The following MED17 variants were observed in gnomAD, a reference collection of about 807,000 sequenced individuals.
MED17 encodes mediator of RNA polymerase II transcription subunit 17.
A neutral mutation model predicts 80.8 loss-of-function variants in MED17; 49 were observed. The observed-to-expected ratio is 0.61, with a 90% CI of 0.48 to 0.77. MED17 has a LOEUF of 0.77. Ranked by LOEUF, MED17 falls within the 30% of genes least tolerant of loss-of-function variation. MED17 has a pLI of 0.00. For missense variants in MED17, 718 were observed against 787.0 expected (o/e 0.91, Z 1.05); for synonymous variants, 281 against 280.4 (o/e 1.00, Z -0.02).
rs1227066721 is a variant in MED17 at position 93,796,789 on chromosome 11, CTA to C, written c.1143+250_1143+251del. The C allele has an allele frequency of 8.8e-6, 4 of 454,028 alleles. No homozygotes were observed. In the East Asian group the frequency reaches 1.4e-4, roughly 16 times the overall value. 28.1% of individuals were successfully genotyped at this position (454,028 alleles called of 1,614,324 possible). On this transcript the variant is annotated intron_variant, in intron 7 of 11. Transcript: ENST00000251871. ...AAGTAGAGGTGTAAGAAACATGATG[CTA>C]AAGTGCAGAGGGAAGGGTGATTCTG...
intron 1 of MED17, among the ~76,000 whole-genome samples, chr11:93,785,831 T>G (rs1591381109): frequency 6.6e-6 from 1 of 152,032 alleles, no homozygotes; most frequent in East Asian, 1.9e-4. Flanking sequence ...CATAGGGAGC[T>G]CCTGCCTCTA....
At chr11:93,808,699 A>G (rs1032186780) in intron 10 of MED17, 37 of 152,026 alleles carry the variant, frequency 2.4e-4, no homozygotes, top group African/African-American at 7.5e-4. Flanking sequence ...AGTAAAATTC[A>G]TTTGTTAGGT....
In MED17 at chr11:93,795,091, C is replaced by T. The variant is rs779400389; in HGVS notation, c.1012+31C>T. 8.1e-6 allele frequency: 13 copies of T among 1,613,036 alleles called. No individual in the cohort carries two copies. In the South Asian group the frequency reaches 1.1e-4, roughly 14 times the overall value. On this transcript the variant is annotated intron_variant, in intron 6 of 11. Transcript: ENST00000251871. ...AGCAGCCCTTTTTCGACTTTATGAA[C>T]AGGACTTTGTGTTTTGGGGGACTAG...
intron 9 of MED17, chr11:93,806,558 A>G (rs528694816): frequency 1.3e-5 from 2 of 152,150 alleles, no homozygotes; most frequent in Non-Finnish European, 2.9e-5. Flanking sequence ...TTAATGGAGT[A>G]TATATATTCT....
Position 93,796,964 on chromosome 11 carries a change from A to G in MED17, c.1143+424A>G, listed in dbSNP as rs1943910314. On this transcript the variant is annotated intron_variant, in intron 7 of 11. Transcript: ENST00000251871. ...TAATTTCAAAAGAATATCCTGTGAA[A>G]TTTCATAGAATTATATATTACAGCC... is the stretch of plus-strand genomic sequence containing the variant. 4 of 234,772 alleles carry G rather than the reference A, an allele frequency of 1.7e-5. No homozygotes were observed. In the South Asian group the frequency reaches 2.5e-4, roughly 15 times the overall value. The allele number at this position is 234,772 out of a possible 1,614,324, so 14.5% of individuals were successfully genotyped here. A position where few individuals can be genotyped will look rare whatever the true frequency, so the allele number is the denominator to read the frequency against.
chr11:93,804,944 T>C (rs2135719927), intron 9 of MED17, among the ~76,000 whole-genome samples: 1 of 152,264 alleles, frequency 6.6e-6, no homozygotes, highest in Middle Eastern at 3.4e-3. Context: ...CTTTACAGAG[T>C]AGTAGACCCT....
At chr11:93,803,163 C>T (rs922776812) in intron 9 of MED17, among the ~76,000 whole-genome samples, 4 of 152,032 alleles carry the variant, frequency 2.6e-5, no homozygotes, top group African/African-American at 7.3e-5. Context: ...TTTCAGCAGA[C>T]GTAACTAGCC....
At chr11:93,788,354 T>G in intron 2 of MED17, 187 bp downstream of exon 2, 1 of 548,886 alleles carries the variant, frequency 1.8e-6, no homozygotes, top group East Asian at 3.3e-5. Flanking sequence ...TATATACCTA[T>G]GATCCTTGGA....
At chr11:93,811,155 T>G (rs924198311) in intron 11 of MED17, 5 of 152,318 alleles carry the variant, frequency 3.3e-5, no homozygotes, top group African/African-American at 1.2e-4. Flanking sequence ...ATCTGCAAGC[T>G]TGGTCATTGC....
chr11:93,807,225 A>G (rs1306543760), intron 9 of MED17: 4 of 326,026 alleles, frequency 1.2e-5, no homozygotes, highest in Non-Finnish European at 2.3e-5. Flanking sequence ...CAGCCTGGCC[A>G]ACATGGTGAA....
rs1286868909 is a variant in MED17, at chr11:93,796,276, T to C, written c.1013-134T>C. 4.5e-6 allele frequency: 4 copies of C among 898,252 alleles called. No individual in the cohort carries two copies. In the African/African-American group the frequency reaches 6.6e-5, roughly 15 times the overall value. The allele number at this position is 898,252 out of a possible 1,614,324, so 55.6% of individuals were successfully genotyped here. A position where few individuals can be genotyped will look rare whatever the true frequency, so the allele number is the denominator to read the frequency against. On this transcript the variant is annotated intron_variant, in intron 6 of 11. Transcript: ENST00000251871. Reference sequence around the variant, plus strand: ...AAATAGTAATCTTGATATACAGATGTTAATCATGAGGTCTGATCTTCAAGT... The same window carrying C: ...AAATAGTAATCTTGATATACAGATGCTAATCATGAGGTCTGATCTTCAAGT...
Position 93,797,538 on chromosome 11 carries a change from C to T in MED17, c.1147C>T (p.His383Tyr). ...HNLHLLIREF[H>Y]KQTLSSIMMP... is the part of the protein sequence containing the mutation. ...TTAAAATGGCTGTTTTTGTTAGTTT[C>T]ATAAACAGACCTTGAGTTCCATCAT... Residue 383 changes from histidine (H) to tyrosine (Y), a missense_variant, in exon 8 of 12, where the codon CAT becomes TAT. Coordinates refer to ENST00000251871, the MANE Select transcript of MED17 (RefSeq NM_004268.5). 6.2e-7 allele frequency: 1 copy of T among 1,613,904 alleles called. No homozygotes were observed. The highest frequency in any genetic ancestry group is 8.5e-7 in the Non-Finnish European group (1 of 1,179,848).
At chr11:93,790,081 T>C (rs1188990157) in intron 2 of MED17, among the ~76,000 whole-genome samples, 1 of 152,238 alleles carries the variant, frequency 6.6e-6, no homozygotes, top group African/African-American at 2.4e-5. Context: ...TTATACCCAT[T>C]GCAGTCATTC....
rs1272739032 is a variant in MED17 at position 93,813,690 on chromosome 11, T to G, written c.*1626T>G. 1 of 152,218 alleles carries G rather than the reference T, an allele frequency of 6.6e-6. No homozygotes were observed. The highest frequency in any genetic ancestry group is 1.5e-5 in the Non-Finnish European group (1 of 68,038). 9.4% of individuals were successfully genotyped at this position (152,218 alleles called of 1,614,324 possible). The stretch of plus-strand genomic sequence containing the variant: ...AAAAGATACAAAATAAAAGCCCCAT[T>G]TATTTGATTATAACTTGATTAAATT... On this transcript the variant is annotated 3_prime_UTR_variant, in exon 12 of 12. Transcript: ENST00000251871.
At chr11:93,802,520 G>A (rs1943973369) in intron 9 of MED17, among the ~76,000 whole-genome samples, 1 of 152,152 alleles carries the variant, frequency 6.6e-6, no homozygotes, top group East Asian at 1.9e-4. Flanking sequence ...TTAAGTAAAT[G>A]TCACATATTT....
chr11:93,810,044 TTA>T (rs1353449839), intron 11 of MED17, 168 bp downstream of exon 11: 1 of 686,364 alleles, frequency 1.5e-6, no homozygotes. Flanking sequence ...GAGCAAGAGA[TTA>T]TTATTTCTCT....
Position 93,807,488 on chromosome 11 carries a change from C to T in MED17, c.1467-30C>T, listed in dbSNP as rs371549361. 19 of 1,132,888 alleles carry T rather than the reference C, an allele frequency of 1.7e-5. No individual in the cohort carries two copies. The African/African-American group carries it at 2.1e-4, about 13-fold the overall frequency. 70.2% of individuals were successfully genotyped at this position (1,132,888 alleles called of 1,614,324 possible). A position where few individuals can be genotyped will look rare whatever the true frequency, so the allele number is the denominator to read the frequency against. ...AATTGTATAAGATAATTTTGAACAT[C>T]TCTGATTTTTAGTATGTGTGTCTAT... On this transcript the variant is annotated intron_variant, in intron 9 of 11. Transcript: ENST00000251871.
Position 93,810,023 on chromosome 11 carries a change from G to A in MED17, c.1744+147G>A, listed in dbSNP as rs139233065. 125 of 803,546 alleles carry A rather than the reference G, an allele frequency of 1.6e-4. No homozygotes were observed. In the African/African-American group the frequency reaches 2.0e-3, roughly 13 times the overall value. The allele number at this position is 803,546 out of a possible 1,614,324, so 49.8% of individuals were successfully genotyped here. On this transcript the variant is annotated intron_variant, in intron 11 of 11. Coordinates refer to ENST00000251871, the MANE Select transcript of MED17 (RefSeq NM_004268.5). The stretch of plus-strand genomic sequence containing the variant: ...TACACCGAATGTTTATTTGATCATA[G>A]CTATTATGCAGAGCAAGAGATTATT...
rs1944106874 is a variant in MED17, at chr11:93,813,598, A to G, written c.*1534A>G. On this transcript the variant is annotated 3_prime_UTR_variant, in exon 12 of 12. Transcript: ENST00000251871. Reference sequence around the variant, plus strand: ...TGAATGACCAGTTTTTGTTTATATAAACTTCTCCCATTGCAGATTGATACT... The same window carrying G: ...TGAATGACCAGTTTTTGTTTATATAGACTTCTCCCATTGCAGATTGATACT... 6.6e-6 allele frequency: 1 copy of G among 152,194 alleles called. No individual in the cohort carries two copies. Among genetic ancestry groups the G allele is most frequent in the Admixed American group, 6.6e-5 (1 of 15,264 alleles). 9.4% of individuals were successfully genotyped at this position (152,194 alleles called of 1,614,324 possible). A position where few individuals can be genotyped will look rare whatever the true frequency, so the allele number is the denominator to read the frequency against.
Sources: gnomAD v4.1 joint callset for allele counts (sites outside exome capture counted in the v4.1 genomes callset) on GRCh38, gnomAD v4.1.1 for gene constraint, MANE v1.5 for transcripts, NCBI Gene and HGNC (gene_info 2026-07-23, HGNC 2026-07-21) for gene names.